Variants in TGM6 observed in about 807,000 individuals in gnomAD.
TGM6 encodes protein-glutamine gamma-glutamyltransferase 6.
Under a neutral mutation model 77.5 loss-of-function variants are expected in TGM6, and 74 were observed. That is an observed-to-expected ratio of 0.96 (90% CI 0.79 to 1.16). The LOEUF is 1.16. Among genes scored for constraint, TGM6 ranks in the 50% most tolerant of loss-of-function variants. TGM6 has a pLI of 0.00. For synonymous variants in TGM6, 383 were observed against 378.9 expected (o/e 1.01, Z -0.12); for missense variants, 968 against 940.2 (o/e 1.03, Z -0.39).
intron 9 of TGM6, among the ~76,000 whole-genome samples, chr20:2,404,276 G>A (rs545858129): frequency 4.6e-5 from 7 of 152,278 alleles, no homozygotes; most frequent in African/African-American, 1.4e-4. Context: ...CCAATTTATG[G>A]CCATTGGTTC....
At chr20:2,381,826 G>C (rs2084556865) in intron 1 of TGM6, among the ~76,000 whole-genome samples, 1 of 152,208 alleles carries the variant, frequency 6.6e-6, no homozygotes, top group South Asian at 2.1e-4. Flanking sequence ...GCTGAGGTGA[G>C]AGGATCGCTT....
In TGM6 at chr20:2,429,219, C is replaced by T. The variant is rs191291473; in HGVS notation, c.1679-1227C>T. Among the ~76,000 whole-genome samples the T allele has an allele frequency of 9.2e-4, 140 of 152,258 alleles. 1 individual carries two copies. The highest frequency in any genetic ancestry group is 8.8e-5 in the Non-Finnish European group (6 of 68,024). ...CCCATAAAACAAAATCATACTTTAA[C>T]ACATGAATCACCCTACTGGCATTCA... On this transcript the variant is annotated intron_variant, in intron 10 of 12. Transcript: ENST00000202625.
intron 9 of TGM6, 85 bp from the exon 10 acceptor site, chr20:2,417,147 G>C (rs1227092791): frequency 7.7e-7 from 1 of 1,297,884 alleles, no homozygotes; most frequent in African/African-American, 1.5e-5. Context: ...TATGGCTCTT[G>C]AACTGCCAGT....
chr20:2,386,615 C>T (rs1262783951), intron 1 of TGM6, among the ~76,000 whole-genome samples: 1 of 152,138 alleles, frequency 6.6e-6, no homozygotes. Context: ...GGACCATGAT[C>T]AAGTATCCAC....
chr20:2,416,665 C>G (rs1304648854), intron 9 of TGM6, among the ~76,000 whole-genome samples: 2 of 152,142 alleles, frequency 1.3e-5, no homozygotes, highest in African/African-American at 4.8e-5. Context: ...GTGCTTTTGC[C>G]TCCTCCCTGT....
intron 7 of TGM6, among the ~76,000 whole-genome samples, chr20:2,401,986 C>T (rs1002271816): frequency 2.0e-5 from 3 of 152,054 alleles, no homozygotes; most frequent in Non-Finnish European, 4.4e-5. Context: ...ACCTGTAATC[C>T]CAACACTTTG....
At chr20:2,403,993 C>T (rs562012054) in intron 9 of TGM6, among the ~76,000 whole-genome samples, 170 bp downstream of exon 9, 8 of 152,330 alleles carry the variant, frequency 5.3e-5, no homozygotes, top group African/African-American at 1.9e-4. Context: ...ATTTAGGCTA[C>T]ATTAATAGCT....
At chr20:2,388,624 C>CAA (rs11442124) in intron 1 of TGM6, among the ~76,000 whole-genome samples, 14,373 of 147,886 alleles carry the variant, frequency 0.097, 777 homozygotes, top group African/African-American at 0.11. Flanking sequence ...AACAAACAAA[C>CAA]AAACAAAAAA....
intron 9 of TGM6, among the ~76,000 whole-genome samples, chr20:2,411,960 G>A (rs183115965): frequency 7.9e-4 from 120 of 152,270 alleles, no homozygotes; most frequent in African/African-American, 2.7e-3. Flanking sequence ...GCAGGACCTC[G>A]AAGAGATATT....
At chr20:2,411,455 A>AT (rs974656998) in intron 9 of TGM6, among the ~76,000 whole-genome samples, 3 of 116,478 alleles carry the variant, frequency 2.6e-5, no homozygotes, top group African/African-American at 1.4e-4. Context: ...CCCCTTTATG[A>AT]TAAAAAAAAA....
chr20:2,395,464 GT>G, intron 3 of TGM6, 28 bp downstream of exon 3: 2 of 1,614,210 alleles, frequency 1.2e-6, no homozygotes, highest in Non-Finnish European at 1.7e-6. Context: ...CAATGCAGAG[GT>G]TTTTCCAAAA....
At chr20:2,400,534 G>C in intron 7 of TGM6, 90 bp downstream of exon 7, 1 of 1,582,082 alleles carries the variant, frequency 6.3e-7, no homozygotes. Flanking sequence ...CCAGGGAGCG[G>C]CAGGCCCAGA....
Position 2,405,951 on chromosome 20 carries a change from C to T in TGM6, c.1336+2128C>T, listed in dbSNP as rs138490898. On this transcript the variant is annotated intron_variant, in intron 9 of 12. Transcript: ENST00000202625. ...AGTAAGACGGGATAAACAGACCTCCCACAGGGAGGAGAATACCAACTTCCC... is the reference window on the plus strand; with the variant it reads ...AGTAAGACGGGATAAACAGACCTCCTACAGGGAGGAGAATACCAACTTCCC... Among the ~76,000 whole-genome samples the T allele has an allele frequency of 3.6e-3, 544 of 152,274 alleles. 5 individuals are homozygous for T. Among genetic ancestry groups the T allele is most frequent in the African/African-American group, 0.013 (520 of 41,550 alleles).
intron 9 of TGM6, among the ~76,000 whole-genome samples, chr20:2,416,739 T>G (rs2084818920): frequency 6.6e-6 from 1 of 152,190 alleles, no homozygotes; most frequent in African/African-American, 2.4e-5. Flanking sequence ...TCCCGCCTCC[T>G]GCCTCAAGAC....
chr20:2,387,490 A>G (rs1002053219), intron 1 of TGM6, among the ~76,000 whole-genome samples: 7 of 152,154 alleles, frequency 4.6e-5, no homozygotes, highest in African/African-American at 1.4e-4. Context: ...CAGCTATGTG[A>G]GTTCCTACCC....
At chr20:2,421,141 T>C (rs6036430) in intron 10 of TGM6, among the ~76,000 whole-genome samples, 78,909 of 151,874 alleles carry the variant, frequency 0.52, 21,412 homozygotes, top group African/African-American at 0.68. Context: ...CACACACGAC[T>C]ACACCTAGTT....
chr20:2,419,586 A>C (rs2084842337), intron 10 of TGM6, among the ~76,000 whole-genome samples: 1 of 152,210 alleles, frequency 6.6e-6, no homozygotes, highest in Non-Finnish European at 1.5e-5. Flanking sequence ...ACAAACTGTT[A>C]ATGTATTTTA....
intron 6 of TGM6, 45 bp downstream of exon 6, chr20:2,399,783 T>C (rs966805393): frequency 2.0e-6 from 3 of 1,534,046 alleles, no homozygotes; most frequent in Non-Finnish European, 2.7e-6. Context: ...GCCCCCAGCT[T>C]CCTCTATCTA....
intron 1 of TGM6, among the ~76,000 whole-genome samples, chr20:2,385,565 T>A (rs1044233913): frequency 5.3e-5 from 8 of 152,100 alleles, no homozygotes; most frequent in African/African-American, 1.9e-4. Context: ...CCTGCCCATG[T>A]CAGAGGCCTC....
Sources: allele counts gnomAD v4.1 joint callset (sites outside exome capture counted in the v4.1 genomes callset), GRCh38; gene constraint gnomAD v4.1.1; transcripts MANE v1.5; gene names NCBI Gene and HGNC (gene_info 2026-07-23, HGNC 2026-07-21).